The following NRG1 variants were observed in gnomAD, a reference collection of about 807,000 sequenced individuals.
NRG1 encodes the protein neuregulin 1.
In NRG1, 18 loss-of-function variants were observed where a neutral mutation model predicts 63.8. The observed-to-expected ratio is 0.28, with a 90% CI of 0.19 to 0.42. The LOEUF (loss-of-function observed/expected upper bound fraction) is 0.42. Ranked by LOEUF, NRG1 falls within the 10% of genes least tolerant of loss-of-function variation. NRG1 has a pLI of 1.00. For synonymous variants in NRG1, 302 were observed against 301.3 expected (o/e 1.00, Z -0.02); for missense variants, 762 against 814.7 (o/e 0.94, Z 0.79).
chr8:32,616,028 A>G (rs184283735), intron 4 of NRG1, among the ~76,000 whole-genome samples: 2 of 152,236 alleles, frequency 1.3e-5, no homozygotes, highest in East Asian at 1.9e-4. Context: ...GAAATTGACT[A>G]TAACTATTAT....
chr8:32,054,981 G>A lies in NRG1; in HGVS notation c.37+415550G>A, dbSNP rs181007594. ...TGGCTCACTGCAACCTCTGCCTCCC[G>A]GGTTCAAGCAATTCTCCTGCCTCAA... On this transcript the variant is annotated intron_variant, in intron 1 of 10. Coordinates refer to the NRG1 transcript ENST00000519301. 2.5e-4 allele frequency among the ~76,000 whole-genome samples: 33 copies of A among 134,136 alleles called. 1 individual carries two copies. The East Asian group carries it at 7.5e-3, about 30-fold the overall frequency. The allele number at this position is 134,136 out of a possible 152,430, so 88.0% of individuals were successfully genotyped here.
intron 1 of NRG1, among the ~76,000 whole-genome samples, chr8:31,765,715 G>C (rs973656633): frequency 1.3e-5 from 2 of 152,118 alleles, no homozygotes; most frequent in South Asian, 4.1e-4. Context: ...GTTGTGGATA[G>C]AGAAAAGAAA....
chr8:32,052,378 C>T (rs745349273), intron 1 of NRG1, among the ~76,000 whole-genome samples: 60 of 149,076 alleles, frequency 4.0e-4, no homozygotes, highest in Non-Finnish European at 5.5e-4. Flanking sequence ...TAGGCTCAAG[C>T]GATCCTCCCA....
intron 1 of NRG1, among the ~76,000 whole-genome samples, chr8:32,015,570 G>A (rs181564085): frequency 6.6e-6 from 1 of 152,260 alleles, no homozygotes; most frequent in East Asian, 1.9e-4. Context: ...TGGTGTGTAT[G>A]TATAACATGG....
chr8:32,160,360 C>T (rs187753740), intron 1 of NRG1, among the ~76,000 whole-genome samples: 1 of 152,166 alleles, frequency 6.6e-6, no homozygotes, highest in East Asian at 1.9e-4. Context: ...AAATGCTGCC[C>T]CAGAGATCAT....
chr8:32,463,843 T>TCA (rs200307508), intron 1 of NRG1, among the ~76,000 whole-genome samples: 1,481 of 138,892 alleles, frequency 0.011, 19 homozygotes, highest in Admixed American at 0.034. Flanking sequence ...AAGACCATCT[T>TCA]CACACACACA....
intron 1 of NRG1, among the ~76,000 whole-genome samples, chr8:32,551,910 CTTTT>C (rs34051371): frequency 2.2e-4 from 25 of 112,156 alleles, no homozygotes; most frequent in South Asian, 3.1e-4. Flanking sequence ...AAAACCAGAG[CTTTT>C]TTTTTTTTTT....
rs1441834206 is a variant in NRG1, at chr8:32,460,138, A to C, written c.38-135690A>C. Among the ~76,000 whole-genome samples, 3 of 152,324 alleles carry C rather than the reference A, an allele frequency of 2.0e-5. No homozygotes were observed. The East Asian group carries it at 5.8e-4, about 29-fold the overall frequency. On this transcript the variant is annotated intron_variant, in intron 1 of 10. Coordinates refer to the NRG1 transcript ENST00000519301. ...CGGCAGTAATTCCAGGCCTTGGAAG[A>C]GGGTTTGGCACACAGATGTTACTTA...
At chr8:32,415,627 C>A (rs1450996498) in intron 1 of NRG1, among the ~76,000 whole-genome samples, 1 of 152,118 alleles carries the variant, frequency 6.6e-6, no homozygotes, top group African/African-American at 2.4e-5. Flanking sequence ...ATGCATAAGA[C>A]CATACAGTTT....
intron 1 of NRG1, among the ~76,000 whole-genome samples, chr8:31,692,667 G>A (rs763035380): frequency 6.6e-6 from 1 of 152,172 alleles, no homozygotes; most frequent in African/African-American, 2.4e-5. Context: ...ATGGATACAA[G>A]TTCTACAAAT....
intron 5 of NRG1, among the ~76,000 whole-genome samples, chr8:32,723,515 A>C (rs1821185958): frequency 6.6e-6 from 1 of 151,468 alleles, no homozygotes; most frequent in South Asian, 2.1e-4. Context: ...CCCCCTCTCT[A>C]CTAAAATGCC....
intron 1 of NRG1, among the ~76,000 whole-genome samples, chr8:32,236,966 C>A (rs372801571): frequency 3.9e-5 from 6 of 151,954 alleles, no homozygotes; most frequent in African/African-American, 1.5e-4. Flanking sequence ...AGAGATGTAC[C>A]GCGAACCCAA....
At chr8:31,893,285 C>A (rs1233611628) in intron 1 of NRG1, among the ~76,000 whole-genome samples, 3 of 151,370 alleles carry the variant, frequency 2.0e-5, no homozygotes, top group East Asian at 3.9e-4. Context: ...TTGCACTATA[C>A]ACCAAAATAA....
chr8:32,496,138 A>AC (rs1262873052), intron 1 of NRG1, among the ~76,000 whole-genome samples: 6 of 151,566 alleles, frequency 4.0e-5, no homozygotes, highest in Admixed American at 2.0e-4. Flanking sequence ...TTTTAGCAAA[A>AC]CCCCCCAGAC....
chr8:31,966,076 TAACA>T (rs1806272942), intron 1 of NRG1, among the ~76,000 whole-genome samples: 1 of 151,994 alleles, frequency 6.6e-6, no homozygotes, highest in Non-Finnish European at 1.5e-5. Flanking sequence ...TACACCCATG[TAACA>T]AACATGCACA....
chr8:32,749,992 C>A, intron 7 of NRG1: 1 of 186,040 alleles, frequency 5.4e-6, no homozygotes, highest in Non-Finnish European at 1.1e-5. Context: ...GCTTAAAAAA[C>A]ACACAGCATC....
chr8:32,081,095 C>T (rs1827394692), intron 1 of NRG1, among the ~76,000 whole-genome samples: 1 of 152,060 alleles, frequency 6.6e-6, no homozygotes, highest in Admixed American at 6.6e-5. Context: ...TAAATCTTGT[C>T]TGAAAACACC....
rs575534447 is a variant in NRG1, at chr8:32,188,496, G to A, written c.38-407332G>A. On this transcript the variant is annotated intron_variant, in intron 1 of 10. Coordinates refer to the NRG1 transcript ENST00000519301. ...GTGAGAATATGCTACATTGCATGGCGAAGGGGAAGGGAGACTGCAGATGGA... is the reference window on the plus strand; with the variant it reads ...GTGAGAATATGCTACATTGCATGGCAAAGGGGAAGGGAGACTGCAGATGGA... Among the ~76,000 whole-genome samples, 7 of 152,292 alleles carry A rather than the reference G, an allele frequency of 4.6e-5. No homozygotes were observed. In the South Asian group the frequency reaches 6.2e-4, roughly 14 times the overall value.
intron 1 of NRG1, among the ~76,000 whole-genome samples, chr8:32,482,398 T>TTGTGTGTGTGTG (rs10689849): frequency 0.17 from 24,948 of 148,102 alleles, 2,209 homozygotes; most frequent in East Asian, 0.34. Context: ...CTTTCTACTT[T>TTGTGTGTGTGTG]TGTGTGTGTG....
Sources: allele counts gnomAD v4.1 joint callset (sites outside exome capture counted in the v4.1 genomes callset), GRCh38; gene constraint gnomAD v4.1.1; transcripts MANE v1.5; gene names NCBI Gene and HGNC (gene_info 2026-07-23, HGNC 2026-07-21).